The following SEC24D variants were observed in gnomAD, a reference collection of about 807,000 sequenced individuals.
The protein encoded by SEC24D is SEC24 homolog D, COPII component, also known as protein transport protein Sec24D.
SEC24D carries 69 observed loss-of-function variants against 116.9 expected under a neutral mutation model. That is an observed-to-expected ratio of 0.59 (90% CI 0.49 to 0.72). SEC24D has a LOEUF of 0.72. SEC24D is among the 30% of genes least tolerant of loss of function. SEC24D has a pLI of 0.00. For synonymous variants in SEC24D, 405 were observed against 442.8 expected, an observed-to-expected ratio of 0.91 and a Z score of 1.07; for missense variants, 1,131 against 1,264.1, an observed-to-expected ratio of 0.89 and a Z score of 1.60.
chr4:118,809,518 T>C (rs115464801), intron 6 of SEC24D, among the ~76,000 whole-genome samples: 6,654 of 152,290 alleles, frequency 0.044, 201 homozygotes, highest in Non-Finnish European at 0.064. Context: ...GTAATAGGAA[T>C]ACAAACAGGC....
intron 15 of SEC24D, among the ~76,000 whole-genome samples, chr4:118,743,470 C>T (rs1578389953): frequency 6.6e-6 from 1 of 152,168 alleles, no homozygotes; most frequent in South Asian, 2.1e-4. Flanking sequence ...CATAAAATGG[C>T]ATATTTGCAT....
chr4:118,824,825 T>A, intron 2 of SEC24D, 76 bp from the exon 3 acceptor site: 5 of 1,355,350 alleles, frequency 3.7e-6, no homozygotes, highest in Non-Finnish European at 5.0e-6. Context: ...AGGTTAAAAA[T>A]GAGAACTAGG....
At chr4:118,825,327 C>G in intron 2 of SEC24D, 1 of 300,392 alleles carries the variant, frequency 3.3e-6, no homozygotes, top group South Asian at 3.1e-5. Context: ...TGCTCACTCA[C>G]AGAGTCAGAT....
intron 13 of SEC24D, among the ~76,000 whole-genome samples, chr4:118,749,733 A>G (rs1188052779): frequency 6.6e-6 from 1 of 151,944 alleles, no homozygotes; most frequent in East Asian, 1.9e-4. Flanking sequence ...CTTCCAGCAC[A>G]CTCTAAGCAG....
intron 19 of SEC24D, chr4:118,735,936 C>G (rs1386917421): frequency 6.6e-6 from 1 of 151,788 alleles, no homozygotes; most frequent in African/African-American, 2.4e-5. Context: ...TCAAGCAATC[C>G]TCCTGTCTTG....
chr4:118,731,284 A>G (rs762762859), intron 21 of SEC24D, 32 bp downstream of exon 21: 1 of 1,552,042 alleles, frequency 6.4e-7, no homozygotes, highest in South Asian at 1.1e-5. Flanking sequence ...TATTTTTCAT[A>G]TTACCACAAA....
chr4:118,833,005 C>G (rs1314380741), intron 2 of SEC24D, among the ~76,000 whole-genome samples: 2 of 152,210 alleles, frequency 1.3e-5, no homozygotes, highest in African/African-American at 4.8e-5. Flanking sequence ...CTGCAGCACA[C>G]TGTGTGTGGC....
At position 118,739,193 on chromosome 4, in the gene SEC24D, T is replaced by C; in HGVS notation, c.2333A>G (p.Lys778Arg). ...GATAAGAGCATCTGTCTCACAGCTC[T>C]TATAAAGATCAGCTAGCTGAGAGCT... ...NCSSQLADLY[K>R]SCETDALINF... The change falls in exon 18 of 23, where the codon AAG becomes AGG. Residue 778 changes from lysine to arginine, a missense_variant. Transcript: ENST00000280551. The C allele has an allele frequency of 6.2e-7, 1 of 1,613,502 alleles. No homozygotes were observed. Among genetic ancestry groups the C allele is most frequent in the Non-Finnish European group, 8.5e-7 (1 of 1,179,516 alleles).
At chr4:118,745,765 T>A (rs1161098455) in intron 13 of SEC24D, among the ~76,000 whole-genome samples, 2 of 152,184 alleles carry the variant, frequency 1.3e-5, no homozygotes, top group South Asian at 4.1e-4. Flanking sequence ...TAAGTATGAT[T>A]CAATATATTG....
chr4:118,803,353 T>C (rs945542486), intron 7 of SEC24D, among the ~76,000 whole-genome samples: 1 of 152,192 alleles, frequency 6.6e-6, no homozygotes, highest in Non-Finnish European at 1.5e-5. Context: ...TGACATGTAT[T>C]ATGCTCTCTC....
rs896103787 is a variant in SEC24D, at chr4:118,722,897, A to G, written c.*618T>C. 2 of 152,652 alleles carry G rather than the reference A, an allele frequency of 1.3e-5. No homozygotes were observed. The highest frequency in any genetic ancestry group is 4.8e-5 in the African/African-American group (2 of 41,460). 9.5% of individuals were successfully genotyped at this position (152,652 alleles called of 1,614,324 possible). A position where few individuals can be genotyped will look rare whatever the true frequency, so the allele number is the denominator to read the frequency against. ...CAGGTAGAAACTTTCAAAATTGTAC[A>G]AAGAACCATTAAGCATATTGATAAA... On this transcript the variant is annotated 3_prime_UTR_variant, in exon 23 of 23. Coordinates refer to ENST00000280551, the MANE Select transcript of SEC24D (RefSeq NM_014822.4).
chr4:118,797,805 C>T lies in SEC24D; in HGVS notation c.919G>A (p.Ala307Thr). The T allele has an allele frequency of 6.3e-7, 1 of 1,595,740 alleles. No individual in the cohort carries two copies. Among genetic ancestry groups the T allele is most frequent in the South Asian group, 1.1e-5 (1 of 88,392 alleles). ...TDCMIQDQGN[A>T]SPRFIRCTTY... ...GTACAACGGATGAATCGAGGACTGG[C>T]ATTTCCTGAAACATTCAAAAGGATA... Residue 307 changes from alanine (A) to threonine (T), a missense_variant, in exon 8 of 23, where the codon GCC becomes ACC. By Grantham distance (58) the Ala-to-Thr change is moderately conservative. Coordinates refer to ENST00000280551, the MANE Select transcript of SEC24D (RefSeq NM_014822.4).
At chr4:118,832,080 G>A (rs1259791425) in intron 2 of SEC24D, among the ~76,000 whole-genome samples, 5 of 152,062 alleles carry the variant, frequency 3.3e-5, no homozygotes, top group African/African-American at 1.2e-4. Context: ...GCGGGCGCCT[G>A]TAATCCCAGC....
chr4:118,824,592 A>T (rs1234134474), intron 3 of SEC24D, 28 bp downstream of exon 3: 2 of 1,591,766 alleles, frequency 1.3e-6, no homozygotes, highest in Middle Eastern at 1.7e-4. Flanking sequence ...AGAATATACA[A>T]ACGAAGGTTG....
At chr4:118,811,870 G>A (rs1729933393) in intron 6 of SEC24D, among the ~76,000 whole-genome samples, 1 of 152,108 alleles carries the variant, frequency 6.6e-6, no homozygotes, top group African/African-American at 2.4e-5. Context: ...TTCAAATATA[G>A]AATAAGTGAC....
At chr4:118,777,376 T>C (rs1728185614) in intron 8 of SEC24D, among the ~76,000 whole-genome samples, 1 of 152,234 alleles carries the variant, frequency 6.6e-6, no homozygotes, top group South Asian at 2.1e-4. Flanking sequence ...TTTGGTTTTC[T>C]GTCCTTGTGA....
At chr4:118,823,600 G>A (rs1343845253) in intron 3 of SEC24D, among the ~76,000 whole-genome samples, 1 of 152,208 alleles carries the variant, frequency 6.6e-6, no homozygotes, top group African/African-American at 2.4e-5. Flanking sequence ...GCACTGGCTT[G>A]GCACAGGTTC....
intron 10 of SEC24D, 145 bp from the exon 11 acceptor site, chr4:118,757,990 G>T: frequency 1.6e-6 from 1 of 642,238 alleles, no homozygotes; most frequent in Non-Finnish European, 2.5e-6. Context: ...CATTTTTCCA[G>T]AATATCTAGA....
chr4:118,736,021 C>CTTTTT (rs70944808), intron 19 of SEC24D: 2 of 72,814 alleles, frequency 2.7e-5, no homozygotes, highest in African/African-American at 4.8e-5. Context: ...AGTTATATGT[C>CTTTTT]TTTTTTTTTT....
Sources: allele counts gnomAD v4.1 joint callset (sites outside exome capture counted in the v4.1 genomes callset), GRCh38; gene constraint gnomAD v4.1.1; transcripts MANE v1.5; gene names NCBI Gene and HGNC (gene_info 2026-07-23, HGNC 2026-07-21).